CFAP43: variants seen among roughly 807,000 people sequenced by gnomAD.
CFAP43 encodes cilia- and flagella-associated protein 43.
Under a neutral mutation model 218.9 loss-of-function variants are expected in CFAP43, and 155 were observed. The ratio of observed to expected loss-of-function variants is 0.71; its 90% CI spans 0.62 to 0.81. The LOEUF is 0.81. Among genes scored for constraint, CFAP43 ranks in the 30% least tolerant of loss-of-function variants. The pLI is 0.00. For synonymous variants in CFAP43, 645 were observed against 681.3 expected (o/e 0.95, Z 0.83); for missense variants, 1,778 against 1,954.3 (o/e 0.91, Z 1.70).
chr10:104,141,270 G>T (rs1456522066), intron 33 of CFAP43, among the ~76,000 whole-genome samples: 1 of 152,110 alleles, frequency 6.6e-6, no homozygotes, highest in Admixed American at 6.6e-5. Flanking sequence ...GTATAATTTT[G>T]ACGGTAATAA....
chr10:104,225,667 G>A (rs770890537), intron 2 of CFAP43, 110 bp from the exon 3 acceptor site: 62 of 852,766 alleles, frequency 7.3e-5, no homozygotes, highest in Non-Finnish European at 1.0e-4. Flanking sequence ...TAATTCAAAA[G>A]CATTTAACTA....
intron 19 of CFAP43, among the ~76,000 whole-genome samples, chr10:104,173,890 G>A (rs1036362959): frequency 6.6e-6 from 1 of 152,138 alleles, no homozygotes; most frequent in African/African-American, 2.4e-5. Flanking sequence ...ACTGGAGAGA[G>A]ACAATAAATT....
At chr10:104,218,015 A>G (rs560598572) in intron 3 of CFAP43, among the ~76,000 whole-genome samples, 1 of 152,342 alleles carries the variant, frequency 6.6e-6, no homozygotes, top group African/African-American at 2.4e-5. Flanking sequence ...CTTGCGCCGT[A>G]AATACATATG....
In CFAP43 at chr10:104,172,519, T is replaced by C; in HGVS notation, c.2477A>G (p.Glu826Gly). 1.2e-6 allele frequency: 2 copies of C among 1,601,400 alleles called. No individual in the cohort carries two copies. Among genetic ancestry groups the C allele is most frequent in the East Asian group, 2.3e-5 (1 of 44,374 alleles). The change falls in exon 20 of 38, where the codon GAA becomes GGA. Residue 826 changes from glutamate (E) to glycine (G), a missense_variant. Glu to Gly is a moderately conservative substitution (Grantham distance 98, BLOSUM62 -2). This residue lies in a region of CFAP43 where 1,553 missense variants were observed against 1,685.2 expected (regional missense o/e 0.92). Transcript: ENST00000357060. The stretch of plus-strand genomic sequence containing the variant: ...AATATTTTCTAGTTTGTCATTTTCT[T>C]CCATCATATTCAGAATCTGAATGTT... ...SLSKTILNMM[E>G]ENDKLENIAK... is the part of the protein sequence containing the mutation.
In CFAP43 at chr10:104,194,933, T is replaced by C. The variant is rs926580136; in HGVS notation, c.1294-919A>G. On this transcript the variant is annotated intron_variant, in intron 10 of 37. Coordinates refer to ENST00000357060, the MANE Select transcript of CFAP43 (RefSeq NM_025145.7). ...TATTAGAATGCACACAGTCTCCCAA[T>C]TGAGTGGGCTTTTTGTAAAATTGAA... Among the ~76,000 whole-genome samples, 6 of 152,194 alleles carry C rather than the reference T, an allele frequency of 3.9e-5. 1 individual carries two copies. Among genetic ancestry groups the C allele is most frequent in the South Asian group, 4.1e-4 (2 of 4,832 alleles).
rs190891866 is a variant in CFAP43, at chr10:104,188,547, A to G, written c.1547-137T>C. ...ATCAAATTATTTGCTGGACATTTAA[A>G]GTGACCTTTAAACATAAGTTACAGG... is the stretch of plus-strand genomic sequence containing the variant. On this transcript the variant is annotated intron_variant, in intron 12 of 37. Transcript: ENST00000357060. 2.4e-3 allele frequency: 2,817 copies of G among 1,161,918 alleles called. 3 individuals carry two copies. The highest frequency in any genetic ancestry group is 2.9e-3 in the Non-Finnish European group (2,448 of 848,004). The allele number at this position is 1,161,918 out of a possible 1,614,324, so 72.0% of individuals were successfully genotyped here. A position where few individuals can be genotyped will look rare whatever the true frequency, so the allele number is the denominator to read the frequency against.
At chr10:104,137,957 T>C (rs1199019934) in intron 34 of CFAP43, among the ~76,000 whole-genome samples, 2 of 152,178 alleles carry the variant, frequency 1.3e-5, no homozygotes, top group African/African-American at 4.8e-5. Flanking sequence ...AATAAAAATA[T>C]CTCTAAAAAA....
intron 8 of CFAP43, among the ~76,000 whole-genome samples, chr10:104,201,901 C>T (rs1025333652): frequency 2.0e-5 from 3 of 152,066 alleles, no homozygotes; most frequent in African/African-American, 7.2e-5. Flanking sequence ...TGTCTTTTTT[C>T]ACCCGCATAC....
chr10:104,218,192 CAA>C (rs963484382), intron 3 of CFAP43, among the ~76,000 whole-genome samples: 5 of 151,624 alleles, frequency 3.3e-5, no homozygotes, highest in Admixed American at 2.6e-4. Context: ...ACTAAAAATA[CAA>C]AAAATTAGCT....
At chr10:104,198,953 C>T (rs1322378328) in intron 8 of CFAP43, among the ~76,000 whole-genome samples, 1 of 152,036 alleles carries the variant, frequency 6.6e-6, no homozygotes, top group African/African-American at 2.4e-5. Flanking sequence ...GCCTGGTCTC[C>T]CAGACATTTA....
intron 28 of CFAP43, among the ~76,000 whole-genome samples, chr10:104,149,890 C>T (rs906637688): frequency 1.1e-4 from 16 of 152,056 alleles, no homozygotes; most frequent in Non-Finnish European, 1.5e-4. Flanking sequence ...TTCATCATTC[C>T]CCAAAAATTC....
At chr10:104,140,185 T>C (rs1344585627) in intron 34 of CFAP43, among the ~76,000 whole-genome samples, 3 of 152,206 alleles carry the variant, frequency 2.0e-5, no homozygotes, top group Admixed American at 6.5e-5. Flanking sequence ...AATGTTCATA[T>C]TAGAAAAGAA....
intron 3 of CFAP43, among the ~76,000 whole-genome samples, chr10:104,219,492 A>G (rs2091119234): frequency 6.6e-6 from 1 of 152,192 alleles, no homozygotes; most frequent in African/African-American, 2.4e-5. Flanking sequence ...AAATGCAGAT[A>G]TAATTGTGTC....
At chr10:104,154,737 C>T (rs1016168818) in intron 27 of CFAP43, among the ~76,000 whole-genome samples, 1 of 152,176 alleles carries the variant, frequency 6.6e-6, no homozygotes, top group Non-Finnish European at 1.5e-5. Context: ...TGTAAAATGG[C>T]CCTTTGCCAT....
chr10:104,157,775 T>TGTGTGAGAGAGAGAGAGAGA (rs1484523345), intron 27 of CFAP43, among the ~76,000 whole-genome samples: 8 of 90,156 alleles, frequency 8.9e-5, no homozygotes, highest in African/African-American at 3.5e-4. Flanking sequence ...TGTGTGTGTG[T>TGTGTGAGAGAGAGAGAGAGA]GAGAGAGAGA....
At chr10:104,136,275 AAAAGAAGAAAAG>A (rs1564707885) in intron 34 of CFAP43, among the ~76,000 whole-genome samples, 1 of 149,764 alleles carries the variant, frequency 6.7e-6, no homozygotes, top group Non-Finnish European at 1.5e-5. Flanking sequence ...AAAAAAAAAA[AAAAGAAGAAAAG>A]AAAAGAAGAA....
intron 27 of CFAP43, among the ~76,000 whole-genome samples, chr10:104,153,735 C>T (rs1344860546): frequency 6.6e-6 from 1 of 152,016 alleles, no homozygotes; most frequent in Non-Finnish European, 1.5e-5. Context: ...CAACTGTAGA[C>T]ATTCTACCCT....
intron 7 of CFAP43, among the ~76,000 whole-genome samples, chr10:104,204,825 A>G (rs1354431084): frequency 2.0e-5 from 3 of 152,184 alleles, no homozygotes; most frequent in African/African-American, 4.8e-5. Context: ...GAAATGGACT[A>G]TGCTAACATC....
At chr10:104,219,880 T>C (rs11191952) in intron 3 of CFAP43, among the ~76,000 whole-genome samples, 7,710 of 152,278 alleles carry the variant, frequency 0.051, 246 homozygotes, top group South Asian at 0.13. Context: ...TTCTTTCTTC[T>C]CGTCACAAGG....
Sources: gnomAD v4.1 joint callset for allele counts (sites outside exome capture counted in the v4.1 genomes callset) on GRCh38, gnomAD v4.1.1 for gene constraint, gnomAD v4.1.1 regional missense constraint, MANE v1.5 for transcripts, NCBI Gene and HGNC (gene_info 2026-07-23, HGNC 2026-07-21) for gene names.